MBNL2: variants seen among roughly 807,000 people sequenced by gnomAD.
The protein encoded by MBNL2 is muscleblind like splicing regulator 2.
In MBNL2, 17 loss-of-function variants were observed where a neutral mutation model predicts 41.9. That is an observed-to-expected ratio of 0.41 (90% CI 0.28 to 0.61). The LOEUF is 0.61. Ranked by LOEUF, MBNL2 falls within the 20% of genes least tolerant of loss-of-function variation. The probability of loss-of-function intolerance (pLI) is 0.35; values close to 1 mark genes in which losing one functional copy is unlikely to be tolerated. For synonymous variants in MBNL2, 195 were observed against 182.9 expected (o/e 1.07, Z -0.53); for missense variants, 336 against 505.6 (o/e 0.66, Z 3.22).
intron 2 of MBNL2, among the ~76,000 whole-genome samples, chr13:97,279,346 A>T (rs1422576199): frequency 6.6e-6 from 1 of 152,216 alleles, no homozygotes; most frequent in Non-Finnish European, 1.5e-5. Flanking sequence ...AATCGATATA[A>T]TTCCTACTTC....
chr13:97,210,571 ATTTTTTTTTTTTTTTTTTTTTTT>A, the MBNL2 span, among the ~76,000 whole-genome samples: 13 of 65,466 alleles, frequency 2.0e-4, no homozygotes, highest in South Asian at 6.8e-4. Flanking sequence ...ACAACTGTGA[ATTTTTTTTTTTTTTTTTTTTTTT>A]TTTTTTTTTT....
At chr13:97,247,091 G>A (rs1319648544) in intron 1 of MBNL2, among the ~76,000 whole-genome samples, 2 of 152,110 alleles carry the variant, frequency 1.3e-5, no homozygotes, top group African/African-American at 4.8e-5. Context: ...ATGAGATAAT[G>A]CATGCTAGAA....
At chr13:97,181,735 T>C in the MBNL2 span, among the ~76,000 whole-genome samples, 1 of 152,220 alleles carries the variant, frequency 6.6e-6, no homozygotes, top group Non-Finnish European at 1.5e-5. Context: ...CAGCTATTCC[T>C]GGTCTTCTCT....
At chr13:97,153,443 G>T in the MBNL2 span, among the ~76,000 whole-genome samples, 1 of 152,064 alleles carries the variant, frequency 6.6e-6, no homozygotes, top group Non-Finnish European at 1.5e-5. Context: ...GGTACATGTA[G>T]ATATAATCCA....
chr13:97,169,708 C>T, the MBNL2 span, among the ~76,000 whole-genome samples: 2 of 152,328 alleles, frequency 1.3e-5, no homozygotes, highest in East Asian at 1.9e-4. Flanking sequence ...GTATACACTA[C>T]TCTTGCAGCC....
intron 2 of MBNL2, among the ~76,000 whole-genome samples, chr13:97,332,871 G>T (rs1258959353): frequency 6.6e-6 from 1 of 152,186 alleles, no homozygotes; most frequent in Admixed American, 6.5e-5. Flanking sequence ...CCCCAAAGAG[G>T]GTGACGCAAC....
chr13:97,365,704 C>T (rs1363582852), intron 8 of MBNL2, among the ~76,000 whole-genome samples: 7 of 152,170 alleles, frequency 4.6e-5, no homozygotes, highest in Admixed American at 4.6e-4. Flanking sequence ...TTTTTCTGCA[C>T]CTCAGCATTC....
chr13:97,233,994 A>G (rs1346412988), intron 1 of MBNL2, among the ~76,000 whole-genome samples: 2 of 152,192 alleles, frequency 1.3e-5, no homozygotes, highest in African/African-American at 4.8e-5. Context: ...TATAAGGTAG[A>G]AATTAGAAGG....
At chr13:97,303,378 C>T (rs951885918) in intron 2 of MBNL2, among the ~76,000 whole-genome samples, 7 of 152,036 alleles carry the variant, frequency 4.6e-5, no homozygotes, top group Non-Finnish European at 1.0e-4. Context: ...TAAGCAGAAG[C>T]GAGGATTAAC....
chr13:97,375,466 A>G (rs2064875380), intron 8 of MBNL2, among the ~76,000 whole-genome samples: 1 of 152,188 alleles, frequency 6.6e-6, no homozygotes, highest in South Asian at 2.1e-4. Flanking sequence ...TAGGAATGAG[A>G]CAGAGAAGGG....
intron 1 of MBNL2, among the ~76,000 whole-genome samples, chr13:97,260,568 G>C (rs2048420883): frequency 1.3e-5 from 2 of 152,224 alleles, no homozygotes; most frequent in Admixed American, 1.3e-4. Flanking sequence ...CTGGTGAGAA[G>C]TGGTCAGACT....
rs1204747529 is a variant in MBNL2 at position 97,366,911 on chromosome 13, T to C, written c.1048+1740T>C. Among the ~76,000 whole-genome samples, 1 of 152,144 alleles carries C rather than the reference T, an allele frequency of 6.6e-6. No individual in the cohort carries two copies. Among genetic ancestry groups the C allele is most frequent in the African/African-American group, 2.4e-5 (1 of 41,430 alleles). ...ATGGGTGCTTCAAAACTGGCTATATTTTAATTCGGTTCATTCAGACCCTAT... is the reference window on the plus strand; with the variant it reads ...ATGGGTGCTTCAAAACTGGCTATATCTTAATTCGGTTCATTCAGACCCTAT... On this transcript the variant is annotated intron_variant, in intron 8 of 8. Coordinates refer to ENST00000679496, the MANE Select transcript of MBNL2 (RefSeq NM_001382683.1). This position sits in a 1 kb window ranked among gnomAD's most constrained non-coding sequence, Gnocchi z 4.7.
At chr13:97,293,977 A>G (rs1254451755) in intron 2 of MBNL2, among the ~76,000 whole-genome samples, 3 of 150,360 alleles carry the variant, frequency 2.0e-5, no homozygotes, top group Non-Finnish European at 3.0e-5. Flanking sequence ...CGAGTCCCCA[A>G]TTTTCTTCAA....
intron 2 of MBNL2, among the ~76,000 whole-genome samples, chr13:97,316,600 C>T (rs1410452454): frequency 3.3e-5 from 5 of 152,196 alleles, no homozygotes; most frequent in Admixed American, 6.5e-5. Flanking sequence ...TGCGTCCTCC[C>T]GAGCCCTTAG....
chr13:97,265,661 G>C (rs146537118), intron 1 of MBNL2, among the ~76,000 whole-genome samples: 2 of 152,012 alleles, frequency 1.3e-5, no homozygotes, highest in Non-Finnish European at 2.9e-5. Context: ...TTGTGTGTGC[G>C]TGTGTGTGTA....
chr13:97,199,180 T>C, the MBNL2 span, among the ~76,000 whole-genome samples: 1 of 152,208 alleles, frequency 6.6e-6, no homozygotes, highest in African/African-American at 2.4e-5. Flanking sequence ...TCTTCCTAGA[T>C]ACTGGTCCTC....
intron 1 of MBNL2, among the ~76,000 whole-genome samples, chr13:97,253,686 T>C (rs533542217): frequency 1.5e-4 from 23 of 152,262 alleles, no homozygotes; most frequent in Admixed American, 3.3e-4. Flanking sequence ...AAAAATTCTT[T>C]AGTTAATTCT....
rs369579287 is a variant in MBNL2, at chr13:97,258,688, A to G, written c.-604-16944A>G. Among the ~76,000 whole-genome samples the G allele has an allele frequency of 2.6e-5, 4 of 152,304 alleles. No homozygotes were observed. In the East Asian group the frequency reaches 5.8e-4, roughly 22 times the overall value. ...TTGGATCCTCCAAGCCACATATCCC[A>G]TATCAGGTTCTGTGCTAGAATAATT... On this transcript the variant is annotated intron_variant, in intron 1 of 8. Transcript: ENST00000679496.
chr13:97,229,558 A>AT (rs1566353506), intron 1 of MBNL2, among the ~76,000 whole-genome samples: 1 of 152,166 alleles, frequency 6.6e-6, no homozygotes. Context: ...CTAAAAAAAA[A>AT]CATTCTGATA....
Sources: allele counts gnomAD v4.1 joint callset (sites outside exome capture counted in the v4.1 genomes callset), GRCh38; gene constraint gnomAD v4.1.1; non-coding constraint Gnocchi (gnomAD v3.1); transcripts MANE v1.5; gene names NCBI Gene and HGNC (gene_info 2026-07-23, HGNC 2026-07-21).